The following DIS3L2 variants were observed in gnomAD, a reference collection of about 807,000 sequenced individuals.
DIS3L2 encodes the protein DIS3 like 3'-5' exoribonuclease 2.
DIS3L2 carries 34 observed loss-of-function variants against 97.5 expected under a neutral mutation model. The ratio of observed to expected loss-of-function variants is 0.35; its 90% CI spans 0.27 to 0.46. The LOEUF (loss-of-function observed/expected upper bound fraction) is 0.46. Ranked by LOEUF, DIS3L2 falls within the 20% of genes least tolerant of loss-of-function variation. The probability of loss-of-function intolerance (pLI) is 1.00; values close to 1 mark genes in which losing one functional copy is unlikely to be tolerated. For missense variants in DIS3L2, 1,038 were observed against 1,146.0 expected, an observed-to-expected ratio of 0.91 and a Z score of 1.36; for synonymous variants, 435 against 445.2, an observed-to-expected ratio of 0.98 and a Z score of 0.29.
At chr2:232,233,898 A>G (rs1190768416) in intron 10 of DIS3L2, among the ~76,000 whole-genome samples, 1 of 152,346 alleles carries the variant, frequency 6.6e-6, no homozygotes. Flanking sequence ...AGGCCCTGCT[A>G]CAAGTGGTTA....
intron 12 of DIS3L2, among the ~76,000 whole-genome samples, chr2:232,251,594 A>G (rs760673977): frequency 6.6e-6 from 1 of 152,258 alleles, no homozygotes; most frequent in Non-Finnish European, 1.5e-5. Flanking sequence ...GTGATTTTCC[A>G]TATTGAAAGG....
chr2:232,222,339 G>C lies in DIS3L2; in HGVS notation c.1204+11934G>C, dbSNP rs532277023. ...CAGATCCCAGGCAACTCAAGTACTT[G>C]ATCTCAGTCAAACCTTATTTTTGTA... On this transcript the variant is annotated intron_variant, in intron 10 of 20. Transcript: ENST00000325385. Among the ~76,000 whole-genome samples, 429 of 152,294 alleles carry C rather than the reference G, an allele frequency of 2.8e-3. 1 individual carries two copies. Among genetic ancestry groups the C allele is most frequent in the Non-Finnish European group, 4.7e-3 (317 of 68,018 alleles).
At position 232,136,578 on chromosome 2, in the gene DIS3L2, C is replaced by T. The variant is rs2106355436; in HGVS notation, c.809C>T (p.Pro270Leu). 6.2e-7 allele frequency: 1 copy of T among 1,613,786 alleles called. No homozygotes were observed. The highest frequency in any genetic ancestry group is 1.1e-5 in the South Asian group (1 of 91,040). ...ELFRKYALFS[P>L]SDHRVPRIYV... The stretch of plus-strand genomic sequence containing the variant: ...TTTAGGAAATACGCCCTGTTTTCTC[C>T]CTCAGACCACCGAGTGCCTAGAATT... Residue 270 changes from proline (P) to leucine (L), a missense_variant, in exon 8 of 21, where the codon CCC becomes CTC. By Grantham distance (98) the Pro-to-Leu change is moderately conservative. Transcript: ENST00000325385.
chr2:232,181,650 A>G (rs948395154), intron 9 of DIS3L2, among the ~76,000 whole-genome samples: 1 of 150,274 alleles, frequency 6.7e-6, no homozygotes, highest in African/African-American at 2.5e-5. Flanking sequence ...TAATTTTTTA[A>G]TTTTTTGAGA....
intron 6 of DIS3L2, among the ~76,000 whole-genome samples, chr2:232,116,936 A>G (rs1360365345): frequency 6.6e-6 from 1 of 152,196 alleles, no homozygotes; most frequent in African/African-American, 2.4e-5. Context: ...TCCACGCTTC[A>G]TAGCTTTTGT....
In DIS3L2 at chr2:231,983,923, A is replaced by G. The variant is rs186814258; in HGVS notation, c.-94+22158A>G. Among the ~76,000 whole-genome samples the G allele has an allele frequency of 2.5e-3, 381 of 151,726 alleles. 2 individuals are homozygous for G. The highest frequency in any genetic ancestry group is 8.2e-3 in the African/African-American group (338 of 41,436). On this transcript the variant is annotated intron_variant, in intron 1 of 20. Coordinates refer to ENST00000325385, the MANE Select transcript of DIS3L2 (RefSeq NM_152383.5). The stretch of plus-strand genomic sequence containing the variant: ...AAAAAAGAAAAGAATTAAATGTAGT[A>G]TAAGTGGAACAAAGTTCTTTATTAT...
At chr2:232,242,519 C>T (rs1396396205) in intron 11 of DIS3L2, among the ~76,000 whole-genome samples, 1 of 152,222 alleles carries the variant, frequency 6.6e-6, no homozygotes, top group Non-Finnish European at 1.5e-5. Context: ...ATGATTGATT[C>T]TTCCCTTCTG....
chr2:232,339,332 G>T (rs1286476799), downstream of DIS3L2, among the ~76,000 whole-genome samples: 2 of 152,230 alleles, frequency 1.3e-5, no homozygotes. Context: ...AGCACCAGAG[G>T]CCACTGCAGC....
chr2:232,316,128 G>A (rs1695268249), intron 14 of DIS3L2, among the ~76,000 whole-genome samples: 2 of 152,086 alleles, frequency 1.3e-5, no homozygotes, highest in Admixed American at 6.5e-5. Context: ...GTGTGTTCGC[G>A]AGCCCTGGCA....
intron 5 of DIS3L2, among the ~76,000 whole-genome samples, chr2:232,045,967 G>C (rs1414440103): frequency 6.6e-6 from 1 of 152,052 alleles, no homozygotes; most frequent in Non-Finnish European, 1.5e-5. Flanking sequence ...GAGCCACCGC[G>C]CATGGCCATT....
At chr2:232,299,482 C>T (rs1441366212) in intron 13 of DIS3L2, among the ~76,000 whole-genome samples, 2 of 152,218 alleles carry the variant, frequency 1.3e-5, no homozygotes, top group Non-Finnish European at 2.9e-5. Flanking sequence ...AGCTCCTGCC[C>T]CAGGGCTTCT....
intron 13 of DIS3L2, among the ~76,000 whole-genome samples, chr2:232,287,875 A>G (rs985981148): frequency 6.6e-6 from 1 of 152,238 alleles, no homozygotes; most frequent in Non-Finnish European, 1.5e-5. Flanking sequence ...AAAGAAATAG[A>G]CTATCTAAGA....
At chr2:231,998,789 G>A (rs934916132) in intron 1 of DIS3L2, among the ~76,000 whole-genome samples, 11 of 152,082 alleles carry the variant, frequency 7.2e-5, no homozygotes, top group African/African-American at 2.7e-4. Flanking sequence ...TTTATCACTT[G>A]CGATACTGCT....
At chr2:232,255,103 A>G (rs930535051) in intron 12 of DIS3L2, among the ~76,000 whole-genome samples, 16 of 152,238 alleles carry the variant, frequency 1.1e-4, no homozygotes, top group Non-Finnish European at 2.2e-4. Flanking sequence ...TGGCAAGGAA[A>G]GCTTGAGTTT....
chr2:232,006,918 G>A (rs969328377), intron 1 of DIS3L2, among the ~76,000 whole-genome samples: 3 of 152,116 alleles, frequency 2.0e-5, no homozygotes, highest in Non-Finnish European at 4.4e-5. Context: ...TTTCTTTCTA[G>A]GAATACAGAA....
chr2:232,065,983 T>A (rs1402252679), intron 5 of DIS3L2, among the ~76,000 whole-genome samples: 1 of 151,886 alleles, frequency 6.6e-6, no homozygotes, highest in Non-Finnish European at 1.5e-5. Context: ...ATATAGAAAT[T>A]GACTTTTGTA....
downstream of DIS3L2, among the ~76,000 whole-genome samples, chr2:232,337,426 C>T (rs1307318235): frequency 2.6e-5 from 4 of 152,096 alleles, no homozygotes; most frequent in African/African-American, 4.8e-5. Flanking sequence ...ACAGAGGAGC[C>T]GGCCTGGGCC....
chr2:232,323,588 G>A (rs1333136435), intron 14 of DIS3L2, among the ~76,000 whole-genome samples: 1 of 152,198 alleles, frequency 6.6e-6, no homozygotes, highest in Non-Finnish European at 1.5e-5. Flanking sequence ...GGCATATGAT[G>A]TTTGGCTCCA....
At chr2:232,087,913 C>T in intron 6 of DIS3L2, 192 bp downstream of exon 6, 1 of 558,076 alleles carries the variant, frequency 1.8e-6, no homozygotes, top group Non-Finnish European at 3.2e-6. Flanking sequence ...GAAAGTGCTT[C>T]CAGCGGTTTG....
Sources: allele counts gnomAD v4.1 joint callset (sites outside exome capture counted in the v4.1 genomes callset), GRCh38; gene constraint gnomAD v4.1.1; transcripts MANE v1.5; gene names NCBI Gene and HGNC (gene_info 2026-07-23, HGNC 2026-07-21).